The following SHISA9 variants were observed in gnomAD, a reference collection of about 807,000 sequenced individuals.
SHISA9 encodes protein shisa-9.
In SHISA9, 13 loss-of-function variants were observed where a neutral mutation model predicts 38.0. The observed-to-expected ratio is 0.34, with a 90% CI of 0.22 to 0.54. SHISA9 has a LOEUF of 0.54. SHISA9 is among the 20% of genes least tolerant of loss of function. The probability of loss-of-function intolerance (pLI) is 0.91; values close to 1 mark genes in which losing one functional copy is unlikely to be tolerated. For missense variants in SHISA9, 538 were observed against 575.8 expected (o/e 0.93, Z 0.67); for synonymous variants, 275 against 242.0 (o/e 1.14, Z -1.27).
intron 2 of SHISA9, among the ~76,000 whole-genome samples, chr16:13,011,556 C>G (rs1211785775): frequency 1.3e-5 from 2 of 152,018 alleles, no homozygotes; most frequent in Admixed American, 6.6e-5. Context: ...GAGTCTTGCT[C>G]TTTCGCCCAG....
the SHISA9 span, among the ~76,000 whole-genome samples, chr16:13,264,018 G>T: frequency 2.4e-4 from 37 of 152,142 alleles, no homozygotes; most frequent in African/African-American, 7.9e-4. Context: ...TATCCGCAAG[G>T]TTATGTAAAC....
chr16:13,264,170 CTTTTTTTT>C, the SHISA9 span, among the ~76,000 whole-genome samples: 36 of 124,342 alleles, frequency 2.9e-4, no homozygotes, highest in African/African-American at 9.7e-4. Context: ...TGTTTTAAAT[CTTTTTTTT>C]TTTTTTTTTT....
the SHISA9 span, among the ~76,000 whole-genome samples, chr16:13,520,846 CTTGT>C: frequency 6.6e-6 from 1 of 152,082 alleles, no homozygotes; most frequent in East Asian, 1.9e-4. Context: ...CCTGTCACAT[CTTGT>C]TTTTTACTGA....
intron 2 of SHISA9, among the ~76,000 whole-genome samples, chr16:13,192,952 G>A (rs1285992145): frequency 1.3e-5 from 2 of 151,846 alleles, no homozygotes; most frequent in Non-Finnish European, 2.9e-5. Flanking sequence ...AGAAGAAGAA[G>A]GAGGAGGAGG....
chr16:13,084,455 C>G (rs989531693), intron 2 of SHISA9, among the ~76,000 whole-genome samples: 1 of 152,152 alleles, frequency 6.6e-6, no homozygotes, highest in Non-Finnish European at 1.5e-5. Context: ...GCAGTGAGCT[C>G]AGGTGCCTTA....
chr16:12,909,643 C>T, intron 1 of SHISA9: 1 of 978,050 alleles, frequency 1.0e-6, no homozygotes, highest in Non-Finnish European at 1.2e-6. Flanking sequence ...GGTCCCAGCT[C>T]CAATGTCATC....
the SHISA9 span, among the ~76,000 whole-genome samples, chr16:13,522,276 A>G: frequency 1.3e-5 from 2 of 152,230 alleles, no homozygotes; most frequent in African/African-American, 2.4e-5. Context: ...TACATCAGGT[A>G]GAGGATGGTA....
the SHISA9 span, among the ~76,000 whole-genome samples, chr16:13,510,314 A>C: frequency 1.3e-5 from 2 of 152,174 alleles, no homozygotes; most frequent in East Asian, 1.9e-4. Flanking sequence ...GGCTCAAAAA[A>C]CAAACAAACA....
the SHISA9 span, among the ~76,000 whole-genome samples, chr16:13,358,379 C>T: frequency 6.6e-6 from 1 of 152,138 alleles, no homozygotes; most frequent in East Asian, 1.9e-4. Context: ...CTGTCCCTCC[C>T]TTTGTCCCCC....
the SHISA9 span, among the ~76,000 whole-genome samples, chr16:13,270,709 T>C: frequency 1.3e-5 from 2 of 152,200 alleles, no homozygotes; most frequent in Non-Finnish European, 2.9e-5. Flanking sequence ...AGGATAATTA[T>C]ACACTTACAT....
At chr16:13,200,806 G>A (rs1165624546) in intron 2 of SHISA9, among the ~76,000 whole-genome samples, 1 of 135,490 alleles carries the variant, frequency 7.4e-6, no homozygotes, top group African/African-American at 2.9e-5. Flanking sequence ...TAACACTTGG[G>A]CTTGTGTGAT....
chr16:13,408,664 T>G, the SHISA9 span, among the ~76,000 whole-genome samples: 1 of 152,234 alleles, frequency 6.6e-6, no homozygotes, highest in Non-Finnish European at 1.5e-5. Flanking sequence ...ATATATGAGT[T>G]GTATACTTTA....
chr16:12,939,413 T>G (rs1335735389), intron 2 of SHISA9, among the ~76,000 whole-genome samples: 4 of 152,178 alleles, frequency 2.6e-5, no homozygotes, highest in African/African-American at 4.8e-5. Flanking sequence ...ATATCCCTGA[T>G]TGGCCCATAC....
intron 2 of SHISA9, among the ~76,000 whole-genome samples, chr16:13,129,384 C>T (rs1406765388): frequency 6.6e-6 from 1 of 152,186 alleles, no homozygotes; most frequent in Non-Finnish European, 1.5e-5. Flanking sequence ...TCTTGGAGTC[C>T]TCCTCTAGGT....
intron 2 of SHISA9, among the ~76,000 whole-genome samples, chr16:13,089,137 C>T (rs191036157): frequency 2.0e-5 from 3 of 152,272 alleles, no homozygotes; most frequent in Admixed American, 6.5e-5. Context: ...GTTGAACCAG[C>T]CTTGTATCCC....
chr16:13,184,193 T>C (rs1412331123), intron 2 of SHISA9, among the ~76,000 whole-genome samples: 1 of 152,152 alleles, frequency 6.6e-6, no homozygotes, highest in Non-Finnish European at 1.5e-5. Context: ...TTCAATCTAC[T>C]TACCCACCTA....
At chr16:13,473,480 T>C in the SHISA9 span, among the ~76,000 whole-genome samples, 1 of 151,938 alleles carries the variant, frequency 6.6e-6, no homozygotes, top group African/African-American at 2.4e-5. Context: ...CCTTTGGAAT[T>C]TGTGATTAAA....
intron 2 of SHISA9, among the ~76,000 whole-genome samples, chr16:13,100,997 G>A (rs1031667450): frequency 9.2e-5 from 14 of 152,160 alleles, no homozygotes; most frequent in Non-Finnish European, 1.5e-4. Context: ...TGCTCACCCC[G>A]AGTTTGGCTA....
intron 2 of SHISA9, among the ~76,000 whole-genome samples, chr16:13,064,082 G>A (rs1249614393): frequency 6.6e-6 from 1 of 151,970 alleles, no homozygotes; most frequent in Non-Finnish European, 1.5e-5. Context: ...GTGTTTTGAG[G>A]GTTTTTGAGA....
Sources: allele counts gnomAD v4.1 joint callset (sites outside exome capture counted in the v4.1 genomes callset), GRCh38; gene constraint gnomAD v4.1.1; transcripts MANE v1.5; gene names NCBI Gene and HGNC (gene_info 2026-07-23, HGNC 2026-07-21).